CTNNA2: variants seen among roughly 807,000 people sequenced by gnomAD.
The protein encoded by CTNNA2 is catenin alpha-2.
CTNNA2 carries 42 observed loss-of-function variants against 101.0 expected under a neutral mutation model. The ratio of observed to expected loss-of-function variants is 0.42; its 90% CI spans 0.32 to 0.54. The LOEUF (loss-of-function observed/expected upper bound fraction) is 0.54, where lower values mean the gene tolerates loss of function less well. Among genes scored for constraint, CTNNA2 ranks in the 20% least tolerant of loss-of-function variants. The probability of loss-of-function intolerance (pLI) is 0.14; values close to 1 mark genes in which losing one functional copy is unlikely to be tolerated. For synonymous variants in CTNNA2, 450 were observed against 456.4 expected (o/e 0.99, Z 0.18); for missense variants, 871 against 1,223.1 (o/e 0.71, Z 4.29).
At chr2:80,189,575 G>T (rs1257437827) in intron 7 of CTNNA2, among the ~76,000 whole-genome samples, 1 of 152,116 alleles carries the variant, frequency 6.6e-6, no homozygotes, top group African/African-American at 2.4e-5. Flanking sequence ...CATTGTCTAA[G>T]CCTATTATTT....
At chr2:80,122,843 G>A (rs1266445996) in intron 7 of CTNNA2, among the ~76,000 whole-genome samples, 1 of 152,152 alleles carries the variant, frequency 6.6e-6, no homozygotes, top group African/African-American at 2.4e-5. Context: ...GCTGTGAGTG[G>A]TTGGCAGAGG....
intron 1 of CTNNA2, among the ~76,000 whole-genome samples, chr2:79,618,094 A>G (rs1678752879): frequency 6.6e-6 from 1 of 152,152 alleles, no homozygotes; most frequent in African/African-American, 2.4e-5. Flanking sequence ...GCAAGCAGGA[A>G]TAGGTTAGGT....
At chr2:79,562,815 C>T (rs1674861848) in intron 1 of CTNNA2, among the ~76,000 whole-genome samples, 1 of 151,794 alleles carries the variant, frequency 6.6e-6, no homozygotes, top group Non-Finnish European at 1.5e-5. Context: ...TGAAAGAATA[C>T]ATCTAGATAA....
intron 4 of CTNNA2, among the ~76,000 whole-genome samples, chr2:79,450,342 C>T (rs1678876694): frequency 6.6e-6 from 1 of 152,010 alleles, no homozygotes; most frequent in Non-Finnish European, 1.5e-5. Flanking sequence ...AAGGGCTGCT[C>T]TGCATCCACT....
intron 9 of CTNNA2, among the ~76,000 whole-genome samples, chr2:80,423,207 T>C (rs1276539783): frequency 6.6e-6 from 1 of 152,142 alleles, no homozygotes; most frequent in Non-Finnish European, 1.5e-5. Context: ...TTTTTGGTTT[T>C]TTCCTGCTTT....
intron 7 of CTNNA2, among the ~76,000 whole-genome samples, chr2:80,050,920 A>G (rs1390749242): frequency 6.6e-6 from 1 of 152,032 alleles, no homozygotes; most frequent in Non-Finnish European, 1.5e-5. Flanking sequence ...ATGGAGTCTC[A>G]CTATGTTGCC....
At chr2:80,316,639 C>T (rs185904920) in intron 7 of CTNNA2, among the ~76,000 whole-genome samples, 6 of 152,194 alleles carry the variant, frequency 3.9e-5, no homozygotes, top group Non-Finnish European at 5.9e-5. Flanking sequence ...GCATTAAAAC[C>T]GAATGCTGTT....
chr2:80,433,282 C>T (rs1001891935), intron 9 of CTNNA2, among the ~76,000 whole-genome samples: 20 of 152,094 alleles, frequency 1.3e-4, no homozygotes, highest in Admixed American at 9.2e-4. Context: ...GGCTGGCCAA[C>T]GTCTTAGCCT....
chr2:79,923,474 A>C (rs192789426), intron 7 of CTNNA2, among the ~76,000 whole-genome samples: 1 of 152,118 alleles, frequency 6.6e-6, no homozygotes, highest in Non-Finnish European at 1.5e-5. Context: ...TAATAATTGT[A>C]TATATTTATG....
chr2:80,099,830 A>G (rs1387426076), intron 7 of CTNNA2, among the ~76,000 whole-genome samples: 1 of 151,994 alleles, frequency 6.6e-6, no homozygotes, highest in Non-Finnish European at 1.5e-5. Flanking sequence ...GGAGAGATGG[A>G]AGATGGAAGA....
At chr2:80,159,057 G>T (rs1704151758) in intron 7 of CTNNA2, among the ~76,000 whole-genome samples, 1 of 152,168 alleles carries the variant, frequency 6.6e-6, no homozygotes, top group South Asian at 2.1e-4. Context: ...CATGTGGGTT[G>T]TTTCCAGGTT....
At chr2:79,238,956 AATTTTT>A (rs1467352344) in intron 2 of CTNNA2, among the ~76,000 whole-genome samples, 1 of 152,150 alleles carries the variant, frequency 6.6e-6, no homozygotes, top group Non-Finnish European at 1.5e-5. Flanking sequence ...TTTAAAAATA[AATTTTT>A]ATTTTTATTT....
At chr2:80,092,747 G>T (rs1287759014) in intron 7 of CTNNA2, among the ~76,000 whole-genome samples, 1 of 152,060 alleles carries the variant, frequency 6.6e-6, no homozygotes, top group Non-Finnish European at 1.5e-5. Flanking sequence ...GTCTCTCATT[G>T]AGGAGAATGC....
At chr2:80,454,784 C>A (rs1683820178) in intron 9 of CTNNA2, among the ~76,000 whole-genome samples, 1 of 152,218 alleles carries the variant, frequency 6.6e-6, no homozygotes, top group Non-Finnish European at 1.5e-5. Context: ...ACAGGGCCAG[C>A]CCTGGGCATT....
intron 2 of CTNNA2, among the ~76,000 whole-genome samples, chr2:79,250,983 G>GA (rs1344702816): frequency 1.3e-5 from 2 of 151,964 alleles, no homozygotes; most frequent in African/African-American, 2.4e-5. Context: ...GTTTATTTGG[G>GA]AAAAAAATGA....
At chr2:79,578,167 T>C (rs1675913160) in intron 1 of CTNNA2, among the ~76,000 whole-genome samples, 1 of 152,204 alleles carries the variant, frequency 6.6e-6, no homozygotes, top group African/African-American at 2.4e-5. Flanking sequence ...GAAGTACATA[T>C]TTGATTACTT....
At chr2:80,061,639 T>A (rs988843100) in intron 7 of CTNNA2, among the ~76,000 whole-genome samples, 1 of 152,254 alleles carries the variant, frequency 6.6e-6, no homozygotes, top group Non-Finnish European at 1.5e-5. Context: ...GTCCATAAAG[T>A]TGAATACTTC....
At chr2:80,176,804 C>T (rs1270488685) in intron 7 of CTNNA2, among the ~76,000 whole-genome samples, 2 of 152,198 alleles carry the variant, frequency 1.3e-5, no homozygotes, top group Non-Finnish European at 2.9e-5. Context: ...AACTTCCTTT[C>T]TTCCTTTGTT....
chr2:79,859,626 A>ATTT (rs753848885), intron 4 of CTNNA2, among the ~76,000 whole-genome samples: 1 of 147,936 alleles, frequency 6.8e-6, no homozygotes, highest in Non-Finnish European at 1.5e-5. Context: ...TTTTATTTTT[A>ATTT]TTTTTATTTT....
Sources: gnomAD v4.1 joint callset for allele counts (sites outside exome capture counted in the v4.1 genomes callset) on GRCh38, gnomAD v4.1.1 for gene constraint, MANE v1.5 for transcripts, NCBI Gene and HGNC (gene_info 2026-07-23, HGNC 2026-07-21) for gene names.